Variants in TRAPPC9 observed in about 807,000 individuals in gnomAD.
TRAPPC9 encodes the protein IKK2 binding protein.
TRAPPC9 carries 83 observed loss-of-function variants against 124.0 expected under a neutral mutation model. That is an observed-to-expected ratio of 0.67 (90% CI 0.56 to 0.80). TRAPPC9 has a LOEUF of 0.80. TRAPPC9 is among the 30% of genes least tolerant of loss of function. TRAPPC9 has a pLI of 0.00. For synonymous variants in TRAPPC9, 638 were observed against 617.5 expected (o/e 1.03, Z -0.49); for missense variants, 1,302 against 1,508.3 (o/e 0.86, Z 2.27).
chr8:140,160,878 G>A (rs1406219761), intron 17 of TRAPPC9, among the ~76,000 whole-genome samples: 1 of 152,106 alleles, frequency 6.6e-6, no homozygotes, highest in Non-Finnish European at 1.5e-5. Context: ...ATGAAAGGGA[G>A]GAGATATCAG....
intron 11 of TRAPPC9, 111 bp from the exon 12 acceptor site, chr8:140,291,189 G>C (rs993011213): frequency 2.1e-6 from 2 of 973,508 alleles, no homozygotes; most frequent in African/African-American, 3.2e-5. Flanking sequence ...GAGGCAGCAG[G>C]CTCTATGATC....
intron 17 of TRAPPC9, among the ~76,000 whole-genome samples, chr8:140,166,617 T>G (rs1253673495): frequency 6.6e-6 from 1 of 152,214 alleles, no homozygotes; most frequent in African/African-American, 2.4e-5. Context: ...TGGCAACATG[T>G]GTGAGAAGAT....
intron 9 of TRAPPC9, among the ~76,000 whole-genome samples, chr8:140,355,857 G>C (rs1563969673): frequency 6.6e-6 from 1 of 152,182 alleles, no homozygotes; most frequent in Non-Finnish European, 1.5e-5. Context: ...CCTCCAATGT[G>C]ACCTGTTATA....
At chr8:140,054,310 A>T (rs1842176834) in intron 17 of TRAPPC9, among the ~76,000 whole-genome samples, 1 of 152,198 alleles carries the variant, frequency 6.6e-6, no homozygotes, top group Non-Finnish European at 1.5e-5. Context: ...GTATCTCCTG[A>T]ATCTAAAATT....
intron 16 of TRAPPC9, among the ~76,000 whole-genome samples, chr8:140,247,499 C>T (rs113402347): frequency 3.3e-5 from 5 of 150,914 alleles, no homozygotes; most frequent in African/African-American, 1.2e-4. Context: ...GAATATGTCC[C>T]GCTCATTCTA....
chr8:140,413,683 T>C (rs1417220182), intron 5 of TRAPPC9, among the ~76,000 whole-genome samples: 1 of 101,988 alleles, frequency 9.8e-6, no homozygotes, highest in African/African-American at 3.9e-5. Flanking sequence ...ACAACAGTCC[T>C]CAGAGTGTGA....
chr8:139,971,661 G>A (rs1465445458), intron 19 of TRAPPC9, among the ~76,000 whole-genome samples: 2 of 151,894 alleles, frequency 1.3e-5, no homozygotes, highest in African/African-American at 4.8e-5. Context: ...CTGGCAAGAT[G>A]ACATGCACTT....
chr8:140,210,422 T>G (rs62529307), intron 17 of TRAPPC9, among the ~76,000 whole-genome samples: 5,383 of 152,296 alleles, frequency 0.035, 144 homozygotes, highest in African/African-American at 0.075. Context: ...CTGTGGCGGC[T>G]GCTGCTGCTG....
intron 17 of TRAPPC9, among the ~76,000 whole-genome samples, chr8:140,205,663 C>A (rs2062901136): frequency 1.3e-5 from 2 of 152,146 alleles, no homozygotes; most frequent in African/African-American, 4.8e-5. Context: ...GAGGAGGAAT[C>A]CCCACCCAGG....
At chr8:140,278,316 G>C (rs1021642372) in intron 14 of TRAPPC9, among the ~76,000 whole-genome samples, 6 of 152,264 alleles carry the variant, frequency 3.9e-5, no homozygotes, top group African/African-American at 1.4e-4. Context: ...ATGTTGGCCA[G>C]GCCGGTCTCG....
intron 19 of TRAPPC9, among the ~76,000 whole-genome samples, chr8:139,949,492 T>A (rs1020543402): frequency 3.3e-5 from 5 of 152,174 alleles, no homozygotes; most frequent in African/African-American, 7.2e-5. Flanking sequence ...GGCAGCAACG[T>A]AAGGGTCCAT....
chr8:140,037,305 G>C (rs1198648086), intron 17 of TRAPPC9, among the ~76,000 whole-genome samples: 1 of 151,876 alleles, frequency 6.6e-6, no homozygotes, highest in Non-Finnish European at 1.5e-5. Context: ...CGAGAACAGT[G>C]CCTGGCGTTT....
At chr8:139,872,664 ATGG>A (rs1232828667) in intron 21 of TRAPPC9, among the ~76,000 whole-genome samples, 2 of 128,192 alleles carry the variant, frequency 1.6e-5, no homozygotes, top group East Asian at 2.4e-4. Context: ...GGATGGATGG[ATGG>A]GTGGGCTGGT....
intron 20 of TRAPPC9, among the ~76,000 whole-genome samples, chr8:139,894,070 C>T (rs1220597140): frequency 6.6e-6 from 1 of 152,266 alleles, no homozygotes; most frequent in Non-Finnish European, 1.5e-5. Flanking sequence ...CCTGTTACTC[C>T]ATCGGCCACA....
intron 9 of TRAPPC9, 37 bp from the exon 10 acceptor site, chr8:140,311,411 G>A (rs760145388): frequency 1.2e-6 from 2 of 1,609,404 alleles, no homozygotes; most frequent in Non-Finnish European, 8.5e-7. Context: ...AGATGTATTA[G>A]GCAAAAGTCA....
intron 5 of TRAPPC9, among the ~76,000 whole-genome samples, chr8:140,416,472 C>T (rs1471473526): frequency 6.6e-6 from 1 of 152,106 alleles, no homozygotes; most frequent in African/African-American, 2.4e-5. Context: ...TTCACAATTG[C>T]TTCAAAGAGA....
chr8:140,184,240 T>C (rs1303583274), intron 17 of TRAPPC9, among the ~76,000 whole-genome samples: 10 of 152,082 alleles, frequency 6.6e-5, no homozygotes, highest in Non-Finnish European at 1.3e-4. Flanking sequence ...ACCGAAGATA[T>C]GGCAGGTGGC....
At chr8:140,431,176 G>A (rs1284939253) in intron 4 of TRAPPC9, among the ~76,000 whole-genome samples, 5 of 151,924 alleles carry the variant, frequency 3.3e-5, no homozygotes, top group African/African-American at 7.2e-5. Flanking sequence ...GACCCTCCTC[G>A]CCGGGCGCGG....
At chr8:140,280,380 T>C (rs1032806322) in intron 14 of TRAPPC9, among the ~76,000 whole-genome samples, 1 of 152,216 alleles carries the variant, frequency 6.6e-6, no homozygotes, top group Non-Finnish European at 1.5e-5. Context: ...GCAATCATTT[T>C]TGGTAAATTT....
Sources: gnomAD v4.1 joint callset for allele counts (sites outside exome capture counted in the v4.1 genomes callset) on GRCh38, gnomAD v4.1.1 for gene constraint, MANE v1.5 for transcripts, NCBI Gene and HGNC (gene_info 2026-07-23, HGNC 2026-07-21) for gene names.